HEATR4: variants seen among roughly 807,000 people sequenced by gnomAD.
HEATR4 encodes the protein HEAT repeat-containing protein 4.
Under a neutral mutation model 108.8 loss-of-function variants are expected in HEATR4, and 95 were observed. The ratio of observed to expected loss-of-function variants is 0.87; its 90% CI spans 0.74 to 1.04. The LOEUF is 1.04. Among genes scored for constraint, HEATR4 ranks in the 50% least tolerant of loss-of-function variants. The pLI, the probability that HEATR4 is intolerant of heterozygous loss-of-function variation, is 0.00. For synonymous variants in HEATR4, 443 were observed against 459.4 expected, an observed-to-expected ratio of 0.96 and a Z score of 0.46; for missense variants, 1,152 against 1,253.8, an observed-to-expected ratio of 0.92 and a Z score of 1.23.
At chr14:73,560,785 C>T (rs1889520668), upstream of HEATR4, among the ~76,000 whole-genome samples, 1 of 151,966 alleles carries the variant, frequency 6.6e-6, no homozygotes, top group Non-Finnish European at 1.5e-5. Flanking sequence ...CTACTGCACC[C>T]CAGCCTCAGT....
chr14:73,490,150 G>A, intron 17 of HEATR4, among the ~76,000 whole-genome samples: 1 of 152,158 alleles, frequency 6.6e-6, no homozygotes, highest in East Asian at 1.9e-4. Flanking sequence ...TTTGAGACAA[G>A]AGTCTCACTC....
chr14:73,491,258 G>A (rs775015711), intron 17 of HEATR4: 14 of 1,578,392 alleles, frequency 8.9e-6, no homozygotes, highest in East Asian at 2.3e-5. Flanking sequence ...CGCGCTACCC[G>A]GTGGGGCGGC....
chr14:73,575,553 C>G, the HEATR4 span: 15 of 1,531,010 alleles, frequency 9.8e-6, no homozygotes, highest in Admixed American at 1.3e-4. Context: ...GCTAATCTCT[C>G]CTGGAAACAT....
At position 73,493,321 on chromosome 14, in the gene HEATR4, G is replaced by A. The variant is rs1367353004; in HGVS notation, c.2786-197C>T. 7 of 561,122 alleles carry A rather than the reference G, an allele frequency of 1.2e-5. No homozygotes were observed. In the East Asian group the frequency reaches 2.1e-4, roughly 17 times the overall value. The allele number at this position is 561,122 out of a possible 1,614,324, so 34.8% of individuals were successfully genotyped here. A position where few individuals can be genotyped will look rare whatever the true frequency, so the allele number is the denominator to read the frequency against. ...CTGAGTTCTTTTTCATGGGCGGGTC[G>A]GGGTCAGTATCCTGTTTGTTATTGT... On this transcript the variant is annotated intron_variant, in intron 16 of 17. Transcript: ENST00000553558.
At chr14:73,521,140 G>A in intron 3 of HEATR4, 101 bp from the exon 4 acceptor site, 1 of 1,006,438 alleles carries the variant, frequency 9.9e-7, no homozygotes, top group Non-Finnish European at 1.5e-6. Context: ...TTTAAGCTCA[G>A]CTCCTATACA....
the HEATR4 span, among the ~76,000 whole-genome samples, chr14:73,596,922 C>T: frequency 2.0e-5 from 3 of 151,706 alleles, no homozygotes; most frequent in East Asian, 1.9e-4. Flanking sequence ...TTAATATAAG[C>T]GTATTTGAAA....
chr14:73,597,591 C>CTTTTTTTTTTTTTTTTTTTTTTTTT, the HEATR4 span, among the ~76,000 whole-genome samples: 2 of 98,204 alleles, frequency 2.0e-5, no homozygotes, highest in South Asian at 3.5e-4. Flanking sequence ...TTTTTCTTTT[C>CTTTTTTTTTTTTTTTTTTTTTTTTT]TTTTTTTTTT....
the HEATR4 span, chr14:73,571,233 C>T: frequency 6.5e-6 from 1 of 153,228 alleles, no homozygotes; most frequent in Non-Finnish European, 1.5e-5. Context: ...GGACCAGGTA[C>T]TATTGTGGCC....
chr14:73,498,395 C>G, intron 13 of HEATR4, 51 bp from the exon 14 acceptor site: 2 of 1,466,430 alleles, frequency 1.4e-6, no homozygotes, highest in Non-Finnish European at 1.8e-6. Flanking sequence ...TTACTATATT[C>G]TAGCATCCAG....
At chr14:73,584,726 G>C in the HEATR4 span, among the ~76,000 whole-genome samples, 1 of 146,450 alleles carries the variant, frequency 6.8e-6, no homozygotes, top group African/African-American at 2.5e-5. Flanking sequence ...CTAAACTACA[G>C]CATCCCCTCC....
the HEATR4 span, chr14:73,612,459 T>A: frequency 1.4e-6 from 1 of 692,262 alleles, no homozygotes; most frequent in Non-Finnish European, 2.1e-6. Flanking sequence ...GTCCAACCAA[T>A]GGGAGTAGTG....
At chr14:73,632,857 AAAG>A in the HEATR4 span, among the ~76,000 whole-genome samples, 752 of 142,954 alleles carry the variant, frequency 5.3e-3, 127 homozygotes, top group Middle Eastern at 0.022. Flanking sequence ...AAAAAAAAAA[AAAG>A]AAGAAGAAGA....
At position 73,506,448 on chromosome 14, in the gene HEATR4, G is replaced by A. The variant is rs1376972748; in HGVS notation, c.1986+19C>T. On this transcript the variant is annotated intron_variant, in intron 10 of 17. Transcript: ENST00000553558. ...CCTCTCTTAGGCTTTCTGTCCTGGAGGCAAAGAAAGAGGTTTACCAAGCAG... is the reference window on the plus strand; with the variant it reads ...CCTCTCTTAGGCTTTCTGTCCTGGAAGCAAAGAAAGAGGTTTACCAAGCAG... The A allele has an allele frequency of 6.3e-7, 1 of 1,583,880 alleles. No homozygotes were observed. The highest frequency in any genetic ancestry group is 1.3e-5 in the African/African-American group (1 of 74,364).
chr14:73,523,328 G>C (rs1171416985), intron 2 of HEATR4, 104 bp from the exon 3 acceptor site: 1 of 598,828 alleles, frequency 1.7e-6, no homozygotes, highest in Admixed American at 3.1e-5. Flanking sequence ...ATGGAAAGGG[G>C]GTGGGGAAGA....
chr14:73,595,024 A>T, the HEATR4 span: 1 of 1,609,952 alleles, frequency 6.2e-7, no homozygotes, highest in South Asian at 1.1e-5. Context: ...TATTGACTCA[A>T]CTCTCCTCTC....
chr14:73,503,110 G>C (rs1276638684), intron 10 of HEATR4, 97 bp from the exon 11 acceptor site: 1 of 932,602 alleles, frequency 1.1e-6, no homozygotes, highest in Non-Finnish European at 1.7e-6. Context: ...ACTCATCACT[G>C]TACTAATGAG....
In HEATR4 at chr14:73,536,983, GTTGT is replaced by G. The variant is rs200354191; in HGVS notation, c.-151-6743_-151-6740del. ...GGAGACTGCTAGCTGCCTGGTTGTTGTTGTTTTTTTTTTTTTCTGAGACGGACTT... is the reference window on the plus strand; with the variant it reads ...GGAGACTGCTAGCTGCCTGGTTGTTGTTTTTTTTTTTTCTGAGACGGACTT... On this transcript the variant is annotated intron_variant, in intron 1 of 17. Coordinates refer to ENST00000553558, the MANE Select transcript of HEATR4 (RefSeq NM_001220484.1). 176 of 120,840 alleles carry G rather than the reference GTTGT, an allele frequency of 1.5e-3. 7 individuals carry two copies. Among genetic ancestry groups the G allele is most frequent in the Middle Eastern group, 3.7e-3 (1 of 268 alleles). The allele number at this position is 120,840 out of a possible 1,614,324, so 7.5% of individuals were successfully genotyped here.
the HEATR4 span, chr14:73,619,698 C>T: frequency 1.6e-4 from 254 of 1,614,028 alleles, no homozygotes; most frequent in Admixed American, 1.7e-4. Flanking sequence ...CTTCTGTGCA[C>T]GCTGTTTTGG....
rs1376537629 is a variant in HEATR4 at position 73,530,648 on chromosome 14, TGTTTGTTTG to T, written c.-151-413_-151-405del. On this transcript the variant is annotated intron_variant, in intron 1 of 17. Transcript: ENST00000553558. ...TGGTCTAATGCCTTGATTTGTTTTTTGTTTGTTTGTTTTTTTGAGACAGGGTCTCACTCT... is the reference window on the plus strand; with the variant it reads ...TGGTCTAATGCCTTGATTTGTTTTTTTTTTTTTGAGACAGGGTCTCACTCT... 45 of 103,380 alleles carry T rather than the reference TGTTTGTTTG, an allele frequency of 4.4e-4. 1 individual carries two copies. Among genetic ancestry groups the T allele is most frequent in the South Asian group, 9.4e-4 (3 of 3,190 alleles). The allele number at this position is 103,380 out of a possible 1,614,324, so 6.4% of individuals were successfully genotyped here. A position where few individuals can be genotyped will look rare whatever the true frequency, so the allele number is the denominator to read the frequency against.
Sources: allele counts gnomAD v4.1 joint callset (sites outside exome capture counted in the v4.1 genomes callset), GRCh38; gene constraint gnomAD v4.1.1; transcripts MANE v1.5; gene names NCBI Gene and HGNC (gene_info 2026-07-23, HGNC 2026-07-21).